COG6: variants seen among roughly 807,000 people sequenced by gnomAD.
COG6 encodes the protein component of oligomeric golgi complex 6.
A neutral mutation model predicts 88.8 loss-of-function variants in COG6; 74 were observed. The observed-to-expected ratio is 0.83, with a 90% CI of 0.69 to 1.01. COG6 has a LOEUF of 1.01. COG6 is among the 50% of genes least tolerant of loss of function. COG6 has a pLI of 0.00. For synonymous variants in COG6, 286 were observed against 278.7 expected (o/e 1.03, Z -0.26); for missense variants, 800 against 797.9 (o/e 1.00, Z -0.03).
intron 18 of COG6, among the ~76,000 whole-genome samples, chr13:39,757,650 A>G (rs373357583): frequency 3.9e-5 from 6 of 152,174 alleles, no homozygotes; most frequent in African/African-American, 9.6e-5. Context: ...ACAGAATTCT[A>G]TTAATAATTA....
At chr13:39,668,261 C>T (rs1319399859) in intron 4 of COG6, among the ~76,000 whole-genome samples, 6 of 152,022 alleles carry the variant, frequency 3.9e-5, no homozygotes, top group Admixed American at 2.6e-4. Flanking sequence ...GATTTGGGCT[C>T]AGGATTCGGC....
At chr13:39,685,052 G>T (rs908426034) in intron 8 of COG6, among the ~76,000 whole-genome samples, 2 of 151,944 alleles carry the variant, frequency 1.3e-5, no homozygotes, top group African/African-American at 2.4e-5. Flanking sequence ...TTATGTATTT[G>T]TTGTGTTTCA....
In COG6 at chr13:39,725,633, A is replaced by G. The variant is rs189623912; in HGVS notation, c.1746+1072A>G. Among the ~76,000 whole-genome samples, 232 of 152,020 alleles carry G rather than the reference A, an allele frequency of 1.5e-3. 2 individuals are homozygous for G. Among genetic ancestry groups the G allele is most frequent in the African/African-American group, 5.4e-3 (223 of 41,544 alleles). On this transcript the variant is annotated intron_variant, in intron 17 of 18. Transcript: ENST00000455146. Reference sequence around the variant, plus strand: ...TTAAAAAGACTAAATGAGACAAATAAGAAACATTATGTCGTGATAAAAGAC... The same window carrying G: ...TTAAAAAGACTAAATGAGACAAATAGGAAACATTATGTCGTGATAAAAGAC...
chr13:39,689,238 T>C (rs551850802), intron 10 of COG6, among the ~76,000 whole-genome samples: 147 of 152,286 alleles, frequency 9.7e-4, no homozygotes, highest in African/African-American at 3.5e-3. Flanking sequence ...TCTGTGAAAA[T>C]GAAGGTGATT....
chr13:39,751,997 G>A lies in COG6; in HGVS notation c.*904G>A, dbSNP rs1344486400. On this transcript the variant is annotated 3_prime_UTR_variant, in exon 19 of 19. Transcript: ENST00000455146. ...TACTCAAACATTGGAGAAAAAAACT[G>A]CCAGAGGAGGAGTTGCCAATTGGCA... is the stretch of plus-strand genomic sequence containing the variant. 1 of 1,247,414 alleles carries A rather than the reference G, an allele frequency of 8.0e-7. No homozygotes were observed. Among genetic ancestry groups the A allele is most frequent in the Non-Finnish European group, 1.0e-6 (1 of 952,542 alleles). The allele number at this position is 1,247,414 out of a possible 1,614,324, so 77.3% of individuals were successfully genotyped here.
chr13:39,724,597 CTT>C, intron 17 of COG6, 36 bp downstream of exon 17: 2 of 1,452,192 alleles, frequency 1.4e-6, no homozygotes, highest in Non-Finnish European at 1.9e-6. Context: ...TTTAGATTTC[CTT>C]ATGGATCGAT....
At chr13:39,769,880 A>G (rs1474536214) in intron 18 of COG6, among the ~76,000 whole-genome samples, 2 of 152,150 alleles carry the variant, frequency 1.3e-5, no homozygotes, top group African/African-American at 4.8e-5. Context: ...CCCTCACCAG[A>G]CTCTGAATCT....
chr13:39,745,331 C>T (rs1378306504), intron 18 of COG6, among the ~76,000 whole-genome samples: 1 of 152,122 alleles, frequency 6.6e-6, no homozygotes, highest in Non-Finnish European at 1.5e-5. Context: ...AAAATGTTTG[C>T]AATCTACCCA....
intron 18 of COG6, among the ~76,000 whole-genome samples, chr13:39,778,381 G>A (rs955906164): frequency 1.3e-5 from 2 of 152,110 alleles, no homozygotes; most frequent in Non-Finnish European, 2.9e-5. Flanking sequence ...ATGAAAGAAG[G>A]GACTATGTAG....
At chr13:39,763,888 CTT>C (rs1435920838) in intron 18 of COG6, among the ~76,000 whole-genome samples, 1 of 151,726 alleles carries the variant, frequency 6.6e-6, no homozygotes, top group African/African-American at 2.4e-5. Context: ...GTTTAAAGGT[CTT>C]TGTCAGGTTT....
At chr13:39,736,914 G>T (rs990160581) in intron 18 of COG6, among the ~76,000 whole-genome samples, 2 of 152,120 alleles carry the variant, frequency 1.3e-5, no homozygotes, top group Non-Finnish European at 2.9e-5. Flanking sequence ...CATCGAAGAG[G>T]TGGGTGTTAT....
At chr13:39,692,416 T>C (rs1877032700) in intron 11 of COG6, among the ~76,000 whole-genome samples, 1 of 151,992 alleles carries the variant, frequency 6.6e-6, no homozygotes, top group Non-Finnish European at 1.5e-5. Context: ...AGACCTTAGA[T>C]TATGGTGGGT....
At position 39,751,163 on chromosome 13, in the gene COG6, A is replaced by G. The variant is rs1439723786; in HGVS notation, c.*70A>G. 4 of 1,581,328 alleles carry G rather than the reference A, an allele frequency of 2.5e-6. No individual in the cohort carries two copies. The highest frequency in any genetic ancestry group is 3.4e-6 in the Non-Finnish European group (4 of 1,161,676). On this transcript the variant is annotated 3_prime_UTR_variant, in exon 19 of 19. Coordinates refer to ENST00000455146, the MANE Select transcript of COG6 (RefSeq NM_020751.3). ...ACTGAAGGTTATTTTTTATTCTTTG[A>G]ATTTTTACTCTATAATTTGATAGTT...
chr13:39,733,647 GC>G (rs956867609), intron 18 of COG6, among the ~76,000 whole-genome samples: 1 of 151,468 alleles, frequency 6.6e-6, no homozygotes, highest in African/African-American at 2.4e-5. Context: ...TTAAATACTG[GC>G]CTCATAGAAT....
chr13:39,752,436 T>A lies in COG6; in HGVS notation c.*1343T>A, dbSNP rs1880691955. 4 of 1,058,030 alleles carry A rather than the reference T, an allele frequency of 3.8e-6. No individual in the cohort carries two copies. The allele number at this position is 1,058,030 out of a possible 1,614,324, so 65.5% of individuals were successfully genotyped here. On this transcript the variant is annotated 3_prime_UTR_variant, in exon 19 of 19. Transcript: ENST00000455146. ...TTTGGGTATAAATCTGTATTTTTAG[T>A]TTTTTCCCTTTGATTAGTATGTGTT...
intron 18 of COG6, among the ~76,000 whole-genome samples, chr13:39,746,727 ATACT>A (rs1880371350): frequency 6.6e-6 from 1 of 152,208 alleles, no homozygotes; most frequent in Admixed American, 6.5e-5. Flanking sequence ...TGATAGACAG[ATACT>A]TAATATACTT....
At chr13:39,676,865 C>T (rs961872532) in intron 4 of COG6, among the ~76,000 whole-genome samples, 3 of 151,908 alleles carry the variant, frequency 2.0e-5, no homozygotes, top group African/African-American at 4.8e-5. Flanking sequence ...TGCCTTTTTC[C>T]GTCAGCTAGT....
chr13:39,782,360 G>C (rs149760012), intron 18 of COG6, among the ~76,000 whole-genome samples: 1 of 152,200 alleles, frequency 6.6e-6, no homozygotes, highest in Non-Finnish European at 1.5e-5. Flanking sequence ...ACCTAAAGCA[G>C]ATGCAGATCT....
chr13:39,710,583 G>A (rs896318235), intron 13 of COG6, among the ~76,000 whole-genome samples: 11 of 151,952 alleles, frequency 7.2e-5, no homozygotes, highest in Non-Finnish European at 1.6e-4. Context: ...ATTTGCATTT[G>A]GAATATATTT....
Sources: allele counts gnomAD v4.1 joint callset (sites outside exome capture counted in the v4.1 genomes callset), GRCh38; gene constraint gnomAD v4.1.1; transcripts MANE v1.5; gene names NCBI Gene and HGNC (gene_info 2026-07-23, HGNC 2026-07-21).